Variants in RARS2 observed in about 807,000 individuals in gnomAD.
The protein encoded by RARS2 is probable arginine--tRNA ligase, mitochondrial.
A neutral mutation model predicts 88.5 loss-of-function variants in RARS2; 67 were observed. The observed-to-expected ratio is 0.76, with a 90% CI of 0.62 to 0.93. The LOEUF is 0.93. Ranked by LOEUF, RARS2 falls within the 40% of genes least tolerant of loss-of-function variation. The pLI is 0.00. For missense variants in RARS2, 664 were observed against 684.2 expected (o/e 0.97, Z 0.33); for synonymous variants, 239 against 230.3 (o/e 1.04, Z -0.34).
chr6:87,538,713 A>G (rs562394659), intron 8 of RARS2, among the ~76,000 whole-genome samples: 1 of 152,180 alleles, frequency 6.6e-6, no homozygotes, highest in South Asian at 2.1e-4. Context: ...CCTGGACAGC[A>G]TAGCAAGACC....
intron 11 of RARS2, among the ~76,000 whole-genome samples, chr6:87,523,298 G>A (rs116140037): frequency 6.6e-6 from 1 of 152,226 alleles, no homozygotes; most frequent in African/African-American, 2.4e-5. Context: ...AGAGAATCAT[G>A]GCCCAGAGAG....
chr6:87,566,187 T>G (rs1402402376), intron 2 of RARS2, among the ~76,000 whole-genome samples: 1 of 152,162 alleles, frequency 6.6e-6, no homozygotes, highest in African/African-American at 2.4e-5. Flanking sequence ...ACAATCTAAA[T>G]GTCTAGCAAC....
rs71018037 is a variant in RARS2 at position 87,555,100 on chromosome 6, AAAATAAATAAATAAAT to A, written c.395+292_395+307del. ...GGCGACAGAGTGAGACTCCGTCTCA[AAAATAAATAAATAAAT>A]AAATAAATAAATAAATAAATAAATA... On this transcript the variant is annotated intron_variant, in intron 5 of 19. Transcript: ENST00000369536. Among the ~76,000 whole-genome samples, 1,151 of 139,572 alleles carry A rather than the reference AAAATAAATAAATAAAT, an allele frequency of 8.2e-3. 17 individuals are homozygous for A. The highest frequency in any genetic ancestry group is 0.028 in the African/African-American group (1,061 of 38,096). The allele number at this position is 139,572 out of a possible 152,430, so 91.6% of individuals were successfully genotyped here.
Position 87,564,381 on chromosome 6 carries a change from C to T in RARS2, c.111-149G>A, listed in dbSNP as rs779083059. ...CTTTCAAAATTAAAAGCAAGGGGGC[C>T]GAGAGCGGTGGCTCATGCCTGTAAT... On this transcript the variant is annotated intron_variant, in intron 2 of 19. Coordinates refer to ENST00000369536, the MANE Select transcript of RARS2 (RefSeq NM_020320.5). 50 of 695,206 alleles carry T rather than the reference C, an allele frequency of 7.2e-5. 1 individual carries two copies. In the East Asian group the frequency reaches 7.9e-4, roughly 11 times the overall value. 43.1% of individuals were successfully genotyped at this position (695,206 alleles called of 1,614,324 possible). A position where few individuals can be genotyped will look rare whatever the true frequency, so the allele number is the denominator to read the frequency against.
At chr6:87,539,728 G>C (rs950454443) in intron 8 of RARS2, among the ~76,000 whole-genome samples, 61 of 152,294 alleles carry the variant, frequency 4.0e-4, no homozygotes, top group African/African-American at 1.3e-3. Context: ...GTATACTCTC[G>C]TGGCAAAACT....
chr6:87,525,549 CTTT>C (rs71554728), intron 10 of RARS2, among the ~76,000 whole-genome samples: 3 of 142,144 alleles, frequency 2.1e-5, no homozygotes, highest in Admixed American at 7.0e-5. Context: ...GCCTTTTTTT[CTTT>C]TTTTTTTTTT....
At chr6:87,532,176 T>TTAAA (rs1433693136) in intron 8 of RARS2, among the ~76,000 whole-genome samples, 1 of 152,182 alleles carries the variant, frequency 6.6e-6, no homozygotes, top group Admixed American at 6.6e-5. Flanking sequence ...AATGACAGAC[T>TTAAA]TAAATAAATA....
intron 11 of RARS2, among the ~76,000 whole-genome samples, chr6:87,523,603 T>C (rs1297569057): frequency 6.6e-6 from 1 of 152,154 alleles, no homozygotes; most frequent in Non-Finnish European, 1.5e-5. Context: ...ATTAGGATAG[T>C]TATAGAGACT....
intron 1 of RARS2, among the ~76,000 whole-genome samples, chr6:87,582,889 G>GT (rs1192634378): frequency 6.6e-6 from 1 of 152,214 alleles, no homozygotes; most frequent in Non-Finnish European, 1.5e-5. Flanking sequence ...CTATGCAGAT[G>GT]TAAGTTAATA....
chr6:87,525,101 T>A (rs12662723), intron 10 of RARS2, among the ~76,000 whole-genome samples: 11,815 of 152,244 alleles, frequency 0.078, 481 homozygotes, highest in East Asian at 0.095. Flanking sequence ...AATCTGTATA[T>A]GACAATCTAA....
chr6:87,580,345 G>A (rs544872492), intron 1 of RARS2, among the ~76,000 whole-genome samples: 32 of 152,064 alleles, frequency 2.1e-4, no homozygotes, highest in Non-Finnish European at 4.4e-4. Context: ...GTTACACAAT[G>A]CGAACCAAAT....
intron 14 of RARS2, 109 bp from the exon 15 acceptor site, chr6:87,519,000 T>C: frequency 9.4e-7 from 1 of 1,065,366 alleles, no homozygotes; most frequent in Non-Finnish European, 1.4e-6. Flanking sequence ...CAAGAACAGA[T>C]TCAGAATGAG....
rs964640851 is a variant in RARS2, at chr6:87,534,529, A to G, written c.613-3587T>C. ...TTTTTGCACATTTCAATGGTGTCAG[A>G]TATTTACTCAGCTATTAATGTGTAC... On this transcript the variant is annotated intron_variant, in intron 8 of 19. Transcript: ENST00000369536. Among the ~76,000 whole-genome samples, 7 of 152,330 alleles carry G rather than the reference A, an allele frequency of 4.6e-5. No homozygotes were observed. In the East Asian group the frequency reaches 1.3e-3, roughly 29 times the overall value.
At chr6:87,586,959 A>C (rs150913457) in intron 1 of RARS2, among the ~76,000 whole-genome samples, 1,573 of 151,878 alleles carry the variant, frequency 0.01, 32 homozygotes, top group African/African-American at 0.036. Context: ...CCCACGCTGG[A>C]GTTCAGTGGC....
intron 5 of RARS2, among the ~76,000 whole-genome samples, chr6:87,554,743 T>G (rs1245825548): frequency 2.0e-5 from 3 of 152,160 alleles, no homozygotes; most frequent in Non-Finnish European, 4.4e-5. Flanking sequence ...TGAGCCACCA[T>G]GTCTGGCCAC....
chr6:87,578,189 T>C (rs1308696014), intron 1 of RARS2, among the ~76,000 whole-genome samples: 5 of 150,742 alleles, frequency 3.3e-5, no homozygotes, highest in Non-Finnish European at 7.4e-5. Context: ...TGAGGAATAA[T>C]AGTACTATTT....
chr6:87,584,569 G>C (rs1422339884), intron 1 of RARS2: 5 of 324,300 alleles, frequency 1.5e-5, no homozygotes, highest in Non-Finnish European at 3.1e-5. Context: ...GACTTGCCAA[G>C]AGTTAGTTAC....
chr6:87,540,601 T>C (rs974504106), intron 8 of RARS2, among the ~76,000 whole-genome samples: 1 of 152,140 alleles, frequency 6.6e-6, no homozygotes, highest in Non-Finnish European at 1.5e-5. Context: ...AAGTGCTTTT[T>C]CTCACACACA....
At chr6:87,575,277 A>ACACACACACACC (rs1422126329) in intron 1 of RARS2, among the ~76,000 whole-genome samples, 14 of 140,056 alleles carry the variant, frequency 1.0e-4, no homozygotes, top group South Asian at 2.2e-4. Context: ...ACACACACAC[A>ACACACACACACC]CCTTGGCTTC....
Sources: allele counts gnomAD v4.1 joint callset (sites outside exome capture counted in the v4.1 genomes callset), GRCh38; gene constraint gnomAD v4.1.1; transcripts MANE v1.5; gene names NCBI Gene and HGNC (gene_info 2026-07-23, HGNC 2026-07-21).